HSPG2: variants seen among roughly 807,000 people sequenced by gnomAD.
The protein encoded by HSPG2 is heparan sulfate proteoglycan 2.
HSPG2 carries 278 observed loss-of-function variants against 526.6 expected under a neutral mutation model. The observed-to-expected ratio is 0.53, with a 90% CI of 0.48 to 0.58. The LOEUF is 0.58. Among genes scored for constraint, HSPG2 ranks in the 20% least tolerant of loss-of-function variants. The pLI is 0.00. For missense variants in HSPG2, 5,354 were observed against 6,099.5 expected, an observed-to-expected ratio of 0.88 and a Z score of 4.07; for synonymous variants, 2,465 against 2,555.4, an observed-to-expected ratio of 0.96 and a Z score of 1.07.
chr1:21,834,932 C>T lies in HSPG2; in HGVS notation c.10467G>A (p.Val3489=), dbSNP rs2098020188. The part of the protein sequence containing the change: ...AQLVIQALPS[V]LINIRTSVQT... The stretch of plus-strand genomic sequence containing the variant: ...GCACAGAGGTCCGGATGTTGATGAG[C>T]ACCGAGGGCAGGGCTGGGGAGGAGG... Residue 3489 remains valine, a synonymous_variant, in exon 77 of 97, where the codon GTG becomes GTA. Coordinates refer to ENST00000374695, the MANE Select transcript of HSPG2 (RefSeq NM_005529.7). 6.2e-7 allele frequency: 1 copy of T among 1,612,516 alleles called. No individual in the cohort carries two copies. Among genetic ancestry groups the T allele is most frequent in the African/African-American group, 1.3e-5 (1 of 74,904 alleles).
At chr1:21,915,565 A>G (rs1557827180) in intron 1 of HSPG2, among the ~76,000 whole-genome samples, 1 of 152,152 alleles carries the variant, frequency 6.6e-6, no homozygotes, top group Non-Finnish European at 1.5e-5. Context: ...AACCAATGAG[A>G]GCTGGAACGG....
chr1:21,869,478 T>G (rs575839396), intron 33 of HSPG2: 197 of 986,788 alleles, frequency 2.0e-4, no homozygotes, highest in Admixed American at 7.4e-4. Flanking sequence ...GAGAGCCTGG[T>G]GAGAAAGACA....
At chr1:21,906,140 C>T (rs1008751166) in intron 1 of HSPG2, among the ~76,000 whole-genome samples, 17 of 152,382 alleles carry the variant, frequency 1.1e-4, no homozygotes, top group Admixed American at 2.0e-4. Context: ...TGGCTCCACA[C>T]CTGGAAGGAA....
In HSPG2 at chr1:21,837,011, G is replaced by T; in HGVS notation, c.10151-5C>A. The T allele has an allele frequency of 6.5e-7, 1 of 1,547,056 alleles. No homozygotes were observed. The stretch of plus-strand genomic sequence containing the variant: ...CAGGGAGAGAGCCGGGAGGGCCTGC[G>T]GGGACATGTATGAGGTTCTGCAGGT... On this transcript the variant is annotated splice_polypyrimidine_tract_variant and splice_region_variant and intron_variant, in intron 74 of 96. Coordinates refer to ENST00000374695, the MANE Select transcript of HSPG2 (RefSeq NM_005529.7).
chr1:21,906,060 C>CTAATTTAATTATTAATTAA lies in HSPG2; in HGVS notation c.64-9751_64-9750insTTAATTAATAATTAAATTA, dbSNP rs1643362672. Among the ~76,000 whole-genome samples the CTAATTTAATTATTAATTAA allele has an allele frequency of 6.6e-5, 10 of 152,188 alleles. No homozygotes were observed. The South Asian group carries it at 2.1e-3, about 31-fold the overall frequency. ...TTAATGGGGTTTATAAGTGAGGAGCCTGAGGCTCAGAGAGCTAACTTGCCC... is the reference window on the plus strand; with the variant it reads ...TTAATGGGGTTTATAAGTGAGGAGCCTAATTTAATTATTAATTAATGAGGCTCAGAGAGCTAACTTGCCC... On this transcript the variant is annotated intron_variant, in intron 1 of 96. Transcript: ENST00000374695.
chr1:21,924,722 C>T (rs1483736424), intron 1 of HSPG2, among the ~76,000 whole-genome samples: 1 of 152,042 alleles, frequency 6.6e-6, no homozygotes, highest in Non-Finnish European at 1.5e-5. Flanking sequence ...TCCTCTTATT[C>T]TTTCCCAACC....
chr1:21,874,688 G>A lies in HSPG2; in HGVS notation c.3456C>T (p.Tyr1152=). The change falls in exon 27 of 97, where the codon TAC becomes TAT. Residue 1152 remains tyrosine (Y), a synonymous_variant. Transcript: ENST00000374695. ...AGCTGCAGCGTTCACAGGTACCCAG[G>A]TAGAGGCCACTGGGCGTGCGTGTGT... The part of the protein sequence containing the change: ...TGYTRTPSGL[Y]LGTCERCSCH... The A allele has an allele frequency of 1.9e-6, 3 of 1,611,260 alleles. No individual in the cohort carries two copies. The highest frequency in any genetic ancestry group is 1.7e-6 in the Non-Finnish European group (2 of 1,178,712).
intron 87 of HSPG2, 106 bp from the exon 88 acceptor site, chr1:21,829,185 T>A (rs1572146351): frequency 1.4e-6 from 2 of 1,462,650 alleles, no homozygotes; most frequent in East Asian, 5.0e-5. Flanking sequence ...CCTACAGCCT[T>A]CTGTATTCCA....
chr1:21,827,625 C>A (rs564117382), intron 91 of HSPG2, among the ~76,000 whole-genome samples: 98 of 152,180 alleles, frequency 6.4e-4, no homozygotes, highest in Non-Finnish European at 1.2e-3. Flanking sequence ...TGACTGAATA[C>A]ATGAATACAG....
chr1:21,866,966 T>C (rs923636680), intron 33 of HSPG2, among the ~76,000 whole-genome samples: 3 of 152,198 alleles, frequency 2.0e-5, no homozygotes, highest in Non-Finnish European at 4.4e-5. Flanking sequence ...GTTTCCTGCT[T>C]GCTTTGAATG....
intron 24 of HSPG2, 40 bp downstream of exon 24, chr1:21,875,823 C>T (rs1210478747): frequency 3.7e-6 from 6 of 1,610,714 alleles, no homozygotes; most frequent in Non-Finnish European, 4.2e-6. Flanking sequence ...GGAGCAAGGG[C>T]CTGCCCGCAC....
At chr1:21,854,509 G>A (rs1179489778) in intron 49 of HSPG2, 102 bp downstream of exon 49, 5 of 1,450,080 alleles carry the variant, frequency 3.4e-6, no homozygotes, top group Middle Eastern at 2.5e-4. Context: ...CTGGTGGAAC[G>A]TGTGGGGCAG....
At chr1:21,882,515 T>C (rs1411172123) in intron 13 of HSPG2, among the ~76,000 whole-genome samples, 1 of 151,992 alleles carries the variant, frequency 6.6e-6, no homozygotes, top group Non-Finnish European at 1.5e-5. Flanking sequence ...TAGAGAACTT[T>C]CGGTGGAGTG....
rs2097988357 is a variant in HSPG2, at chr1:21,828,769, G to A, written c.12237+66C>T. ...GGGGCCCAATGCCAAGGTGCTTGGA[G>A]AGCCGAGGGGGACACAAGGCTTGGC... On this transcript the variant is annotated intron_variant, in intron 88 of 96. Coordinates refer to ENST00000374695, the MANE Select transcript of HSPG2 (RefSeq NM_005529.7). This position sits in a 1 kb window ranked among gnomAD's most constrained non-coding sequence, Gnocchi z 6.0. 8 of 1,547,880 alleles carry A rather than the reference G, an allele frequency of 5.2e-6. No individual in the cohort carries two copies. Among genetic ancestry groups the A allele is most frequent in the Non-Finnish European group, 7.0e-6 (8 of 1,146,326 alleles).
chr1:21,823,920 A>T, intron 95 of HSPG2: 1 of 724,396 alleles, frequency 1.4e-6, no homozygotes, highest in East Asian at 2.7e-5. Flanking sequence ...GTTTCCTCCC[A>T]CTCCTGGGGC....
At chr1:21,881,653 C>T in intron 13 of HSPG2, 151 bp from the exon 14 acceptor site, 2 of 764,650 alleles carry the variant, frequency 2.6e-6, no homozygotes, top group East Asian at 2.7e-5. Flanking sequence ...GAAGAAAATG[C>T]AGTTTTTTGC....
Position 21,824,631 on chromosome 1 carries a change from G to A in HSPG2, c.12666-16C>T, listed in dbSNP as rs748866712. 13 of 1,613,858 alleles carry A rather than the reference G, an allele frequency of 8.1e-6. No homozygotes were observed. The highest frequency in any genetic ancestry group is 1.3e-5 in the African/African-American group (1 of 74,942). On this transcript the variant is annotated splice_polypyrimidine_tract_variant and intron_variant, in intron 92 of 96. Coordinates refer to ENST00000374695, the MANE Select transcript of HSPG2 (RefSeq NM_005529.7). The surrounding 1 kb of genome is among the most constrained non-coding windows in gnomAD (Gnocchi z 5.9). ...CTCGGGCAGGCTGCGGAGGAAGAGC[G>A]GGTGAGGGGACAGAAGTCCCAGATT... is the stretch of plus-strand genomic sequence containing the variant.
rs556055029 is a variant in HSPG2 at position 21,912,701 on chromosome 1, T to C, written c.64-16391A>G. 3.4e-4 allele frequency among the ~76,000 whole-genome samples: 51 copies of C among 152,158 alleles called. 1 individual carries two copies. The highest frequency in any genetic ancestry group is 1.7e-3 in the Admixed American group (26 of 15,274). On this transcript the variant is annotated intron_variant, in intron 1 of 96. Transcript: ENST00000374695. ...ATAATGTTGGATTAATAATTATTGCTGGGCGCAGTGGCTTGTGTCTGTAAC... is the reference window on the plus strand; with the variant it reads ...ATAATGTTGGATTAATAATTATTGCCGGGCGCAGTGGCTTGTGTCTGTAAC...
intron 11 of HSPG2, 43 bp from the exon 12 acceptor site, chr1:21,884,961 C>G (rs1461803871): frequency 9.3e-6 from 15 of 1,613,954 alleles, no homozygotes; most frequent in Non-Finnish European, 1.3e-5. Context: ...GCCTAGGGCT[C>G]TGGACCAGCT....
Sources: allele counts gnomAD v4.1 joint callset (sites outside exome capture counted in the v4.1 genomes callset), GRCh38; gene constraint gnomAD v4.1.1; non-coding constraint Gnocchi (gnomAD v3.1); transcripts MANE v1.5; gene names NCBI Gene and HGNC (gene_info 2026-07-23, HGNC 2026-07-21).